The following PCP4 variants were observed in gnomAD, a reference collection of about 807,000 sequenced individuals.
PCP4 encodes Purkinje cell protein 4, also known as calmodulin regulator protein PCP4.
Under a neutral mutation model 10.0 loss-of-function variants are expected in PCP4, and 8 were observed. The ratio of observed to expected loss-of-function variants is 0.80; its 90% CI spans 0.47 to 1.45. PCP4 has a LOEUF of 1.45. PCP4 is among the 40% of genes most tolerant of loss of function. The pLI is 0.00. For missense variants in PCP4, 54 were observed against 74.4 expected (o/e 0.73, Z 1.01); for synonymous variants, 21 against 23.0 (o/e 0.91, Z 0.24).
At chr21:39,921,890 G>A (rs1268359792) in intron 2 of PCP4, among the ~76,000 whole-genome samples, 1 of 152,198 alleles carries the variant, frequency 6.6e-6, no homozygotes, top group East Asian at 1.9e-4. Context: ...ATCTGCTGAT[G>A]GACTATGGGA....
In PCP4 at chr21:39,924,851, C is replaced by T. The variant is rs546341572; in HGVS notation, c.62-4133C>T. On this transcript the variant is annotated intron_variant, in intron 2 of 2. Transcript: ENST00000328619. ...CACCTGGCCCCGGGTTTTGTTTATTCCCTGGCCAGCTATTGGTGGCAGGCT... is the reference window on the plus strand; with the variant it reads ...CACCTGGCCCCGGGTTTTGTTTATTTCCTGGCCAGCTATTGGTGGCAGGCT... 3.3e-5 allele frequency among the ~76,000 whole-genome samples: 5 copies of T among 152,316 alleles called. No homozygotes were observed. In the East Asian group the frequency reaches 5.8e-4, roughly 18 times the overall value.
chr21:39,920,687 C>G (rs2087593032), intron 2 of PCP4, among the ~76,000 whole-genome samples: 1 of 152,180 alleles, frequency 6.6e-6, no homozygotes, highest in South Asian at 2.1e-4. Context: ...CTTTCTGGGA[C>G]TGTTGCAGGA....
At chr21:39,907,176 T>A (rs1274274135) in intron 2 of PCP4, among the ~76,000 whole-genome samples, 3 of 152,116 alleles carry the variant, frequency 2.0e-5, no homozygotes, top group African/African-American at 7.2e-5. Flanking sequence ...TGGGCTGAAT[T>A]GTCCTCAAAG....
chr21:39,924,534 G>A (rs1203922773), intron 2 of PCP4, among the ~76,000 whole-genome samples: 2 of 152,212 alleles, frequency 1.3e-5, no homozygotes, highest in African/African-American at 2.4e-5. Context: ...CGAGGCCTGT[G>A]TTCTTTGTTT....
intron 2 of PCP4, among the ~76,000 whole-genome samples, chr21:39,921,160 G>T (rs2087594981): frequency 6.6e-6 from 1 of 152,230 alleles, no homozygotes; most frequent in African/African-American, 2.4e-5. Context: ...TAAACCAGCA[G>T]ATTTTGCAAG....
At chr21:39,905,718 C>G (rs915401938) in intron 2 of PCP4, among the ~76,000 whole-genome samples, 9 of 152,166 alleles carry the variant, frequency 5.9e-5, no homozygotes, top group Non-Finnish European at 1.5e-5. Context: ...CTACCCATCT[C>G]TAGCTGCAAT....
intron 2 of PCP4, among the ~76,000 whole-genome samples, chr21:39,928,538 T>C (rs541515277): frequency 6.6e-6 from 1 of 152,340 alleles, no homozygotes; most frequent in South Asian, 2.1e-4. Context: ...AAATCTTTCC[T>C]GAGAATGACA....
At chr21:39,878,899 G>A (rs2087358654) in intron 1 of PCP4, among the ~76,000 whole-genome samples, 1 of 151,994 alleles carries the variant, frequency 6.6e-6, no homozygotes, top group South Asian at 2.1e-4. Flanking sequence ...ATAATACAGT[G>A]CCACACCTCA....
intron 2 of PCP4, among the ~76,000 whole-genome samples, chr21:39,909,072 C>G (rs2087527175): frequency 6.6e-6 from 1 of 152,118 alleles, no homozygotes; most frequent in African/African-American, 2.4e-5. Flanking sequence ...ATCAGGGCCC[C>G]TTTAATGTCA....
chr21:39,892,158 C>T (rs755935436), intron 1 of PCP4, among the ~76,000 whole-genome samples: 5 of 152,206 alleles, frequency 3.3e-5, no homozygotes, highest in South Asian at 2.1e-4. Flanking sequence ...CCTATGCGGG[C>T]GTGACAGAGG....
chr21:39,868,685 C>T (rs868828793), intron 1 of PCP4, among the ~76,000 whole-genome samples: 11 of 152,270 alleles, frequency 7.2e-5, no homozygotes, highest in South Asian at 6.2e-4. Flanking sequence ...TCAACAACTC[C>T]GTGCAGTGGG....
rs571825854 is a variant in PCP4, at chr21:39,894,475, C to G, written c.10-4001C>G. Among the ~76,000 whole-genome samples, 53 of 152,192 alleles carry G rather than the reference C, an allele frequency of 3.5e-4. 1 individual carries two copies. The highest frequency in any genetic ancestry group is 6.6e-4 in the Non-Finnish European group (45 of 68,034). On this transcript the variant is annotated intron_variant, in intron 1 of 2. Coordinates refer to ENST00000328619, the MANE Select transcript of PCP4 (RefSeq NM_006198.3). ...AATTCTAATAGCATATTTTCTACAC[C>G]TGCATTAAATTGGTCATTGTGGCTA...
At chr21:39,927,228 GTCTA>G (rs1177362045) in intron 2 of PCP4, among the ~76,000 whole-genome samples, 1 of 72,102 alleles carries the variant, frequency 1.4e-5, no homozygotes, top group Non-Finnish European at 3.7e-5. Context: ...TCTATTACCT[GTCTA>G]TCTGTATTTG....
chr21:39,883,016 A>C (rs1241880960), intron 1 of PCP4, among the ~76,000 whole-genome samples: 1 of 152,220 alleles, frequency 6.6e-6, no homozygotes, highest in Non-Finnish European at 1.5e-5. Flanking sequence ...TAATCACAGC[A>C]GCTGCTCTAG....
intron 1 of PCP4, among the ~76,000 whole-genome samples, chr21:39,889,539 C>G (rs1378442472): frequency 6.7e-6 from 1 of 149,460 alleles, no homozygotes; most frequent in Non-Finnish European, 1.5e-5. Flanking sequence ...GCCTTAGCCT[C>G]CTGAGTAGCT....
intron 1 of PCP4, among the ~76,000 whole-genome samples, chr21:39,875,358 C>T (rs1193966174): frequency 6.6e-6 from 1 of 151,952 alleles, no homozygotes; most frequent in Non-Finnish European, 1.5e-5. Flanking sequence ...TGCTGGTCTC[C>T]TCATCTCTGA....
At chr21:39,900,969 T>A (rs925729301) in intron 2 of PCP4, among the ~76,000 whole-genome samples, 2 of 152,168 alleles carry the variant, frequency 1.3e-5, no homozygotes, top group Non-Finnish European at 2.9e-5. Flanking sequence ...CATGTGAATG[T>A]AAGTAACATT....
At chr21:39,919,363 C>A (rs551335220) in intron 2 of PCP4, among the ~76,000 whole-genome samples, 1 of 152,336 alleles carries the variant, frequency 6.6e-6, no homozygotes, top group African/African-American at 2.4e-5. Context: ...ATTCTAAGAA[C>A]CTTGGCATTA....
Position 39,892,418 on chromosome 21 carries a change from C to T in PCP4, c.10-6058C>T, listed in dbSNP as rs529294263. ...AACAGTTTGTGCCTTCAGTCTCTTG[C>T]CTTGGCACCTAGGTAATCCTCCACC... On this transcript the variant is annotated intron_variant, in intron 1 of 2. Coordinates refer to ENST00000328619, the MANE Select transcript of PCP4 (RefSeq NM_006198.3). 2.0e-5 allele frequency among the ~76,000 whole-genome samples: 3 copies of T among 152,016 alleles called. No individual in the cohort carries two copies. In the East Asian group the frequency reaches 5.8e-4, roughly 29 times the overall value.
Sources: allele counts gnomAD v4.1 joint callset (sites outside exome capture counted in the v4.1 genomes callset), GRCh38; gene constraint gnomAD v4.1.1; transcripts MANE v1.5; gene names NCBI Gene and HGNC (gene_info 2026-07-23, HGNC 2026-07-21).